The following SLC17A1 variants were observed in gnomAD, a reference collection of about 807,000 sequenced individuals.
SLC17A1 encodes the protein sodium-dependent phosphate transport protein 1.
Under a neutral mutation model 53.5 loss-of-function variants are expected in SLC17A1, and 51 were observed. The observed-to-expected ratio is 0.95, with a 90% CI of 0.76 to 1.20. The LOEUF is 1.20. Among genes scored for constraint, SLC17A1 ranks in the 50% most tolerant of loss-of-function variants. The pLI, the probability that SLC17A1 is intolerant of heterozygous loss-of-function variation, is 0.00. For synonymous variants in SLC17A1, 179 were observed against 198.8 expected (o/e 0.90, Z 0.84); for missense variants, 538 against 568.2 (o/e 0.95, Z 0.54).
At chr6:25,756,439 C>T in the SLC17A1 span, among the ~76,000 whole-genome samples, 8 of 152,256 alleles carry the variant, frequency 5.3e-5, no homozygotes, top group East Asian at 1.4e-3. Flanking sequence ...ATGCTAATGA[C>T]CTAGTTGCTG....
At chr6:25,797,885 T>C (rs779981183) in intron 12 of SLC17A1, among the ~76,000 whole-genome samples, 19 of 152,188 alleles carry the variant, frequency 1.2e-4, no homozygotes, top group Non-Finnish European at 2.2e-4. Flanking sequence ...AATTTATTTA[T>C]TAAAGACCCT....
chr6:25,756,759 CACA>C, the SLC17A1 span, among the ~76,000 whole-genome samples: 1 of 152,152 alleles, frequency 6.6e-6, no homozygotes, highest in Non-Finnish European at 1.5e-5. Context: ...GCTATGAAAG[CACA>C]ACATTGCATT....
the SLC17A1 span, among the ~76,000 whole-genome samples, chr6:25,752,513 T>C: frequency 6.6e-6 from 1 of 152,336 alleles, no homozygotes; most frequent in South Asian, 2.1e-4. Flanking sequence ...TAAGCTACAC[T>C]AAGTTTATAA....
chr6:25,830,054 A>T lies in SLC17A1; in HGVS notation c.34+470T>A, dbSNP rs540251516. Among the ~76,000 whole-genome samples, 7 of 152,302 alleles carry T rather than the reference A, an allele frequency of 4.6e-5. No homozygotes were observed. In the South Asian group the frequency reaches 1.4e-3, roughly 32 times the overall value. The stretch of plus-strand genomic sequence containing the variant: ...TTTCTGGGATTTTGTCCCCTATGAC[A>T]TTGACACAACGCTAAACCAATAGCA... On this transcript the variant is annotated intron_variant, in intron 2 of 12. Coordinates refer to ENST00000244527, the MANE Select transcript of SLC17A1 (RefSeq NM_005074.5).
chr6:25,803,558 T>A (rs1189779668), intron 10 of SLC17A1, among the ~76,000 whole-genome samples: 1 of 152,154 alleles, frequency 6.6e-6, no homozygotes, highest in Non-Finnish European at 1.5e-5. Context: ...AGAGGAGATA[T>A]AATATCTTGA....
Position 25,811,416 on chromosome 6 carries a change from C to T in SLC17A1, c.1160G>A (p.Gly387Asp), listed in dbSNP as rs750316048. The T allele has an allele frequency of 6.2e-7, 1 of 1,612,290 alleles. No homozygotes were observed. Among genetic ancestry groups the T allele is most frequent in the South Asian group, 1.1e-5 (1 of 90,748 alleles). ...ATCCTACCTGGGAGCAATATCCAAG[C>T]CATTTATAAACACTCCACCCAAGCA... The part of the protein sequence containing the change: ...SFCLGGVFIN[G>D]LDIAPRYFGF... The change falls in exon 10 of 13, where the codon GGC becomes GAC. Residue 387 changes from glycine (G) to aspartate (D), a missense_variant. Gly to Asp is a moderately conservative substitution (Grantham distance 94). Transcript: ENST00000244527.
At chr6:25,725,063 A>G in the SLC17A1 span, among the ~76,000 whole-genome samples, 364 of 149,460 alleles carry the variant, frequency 2.4e-3, 2 homozygotes, top group Middle Eastern at 0.01. Context: ...ATATCGTACA[A>G]TAATTTTTAA....
At chr6:25,818,832 T>G (rs1033500527) in intron 6 of SLC17A1, among the ~76,000 whole-genome samples, 1 of 152,214 alleles carries the variant, frequency 6.6e-6, no homozygotes, top group Non-Finnish European at 1.5e-5. Flanking sequence ...CATATGCATC[T>G]ATATCGCCTA....
chr6:25,736,376 A>C, the SLC17A1 span, among the ~76,000 whole-genome samples: 1 of 152,164 alleles, frequency 6.6e-6, no homozygotes, highest in Non-Finnish European at 1.5e-5. Context: ...TTTGGTCTTT[A>C]ACCATGGCCC....
Position 25,811,783 on chromosome 6 carries a change from C to T in SLC17A1, c.898-13G>A. On this transcript the variant is annotated splice_polypyrimidine_tract_variant and intron_variant, in intron 8 of 12. Coordinates refer to ENST00000244527, the MANE Select transcript of SLC17A1 (RefSeq NM_005074.5). ...ACAAGAACCCATTCTGAAGAGGAAA[C>T]ATTATTCTTGGAGTGAGTTTGATGG... The T allele has an allele frequency of 1.2e-6, 2 of 1,613,360 alleles. No homozygotes were observed. The highest frequency in any genetic ancestry group is 1.7e-6 in the Non-Finnish European group (2 of 1,179,584).
At chr6:25,732,701 G>C in the SLC17A1 span, 1 of 1,348,064 alleles carries the variant, frequency 7.4e-7, no homozygotes, top group Non-Finnish European at 1.0e-6. Context: ...CATCCGCAAC[G>C]ACAAGGAGCT....
chr6:25,807,654 T>G (rs2151487838), intron 10 of SLC17A1, among the ~76,000 whole-genome samples: 1 of 152,102 alleles, frequency 6.6e-6, no homozygotes, highest in East Asian at 1.9e-4. Context: ...TTATGTTATT[T>G]TTATACCTAT....
the SLC17A1 span, chr6:25,770,120 C>A: frequency 6.2e-7 from 1 of 1,614,110 alleles, no homozygotes; most frequent in African/African-American, 1.3e-5. Flanking sequence ...TCAGCTCCCT[C>A]AACTATGGCT....
chr6:25,776,549 G>C, the SLC17A1 span: 1 of 1,549,856 alleles, frequency 6.5e-7, no homozygotes, highest in Non-Finnish European at 8.7e-7. Flanking sequence ...GTGTCGTGGT[G>C]GGGGTGGTAA....
chr6:25,819,652 C>T (rs750438850), intron 4 of SLC17A1, 30 bp downstream of exon 4: 2 of 1,612,502 alleles, frequency 1.2e-6, no homozygotes, highest in South Asian at 2.2e-5. Context: ...TGAATTTAAA[C>T]TCTGTTCAGT....
Position 25,800,966 on chromosome 6 carries a change from A to G in SLC17A1, c.1193T>C (p.Ile398Thr), listed in dbSNP as rs766659170. The change falls in exon 11 of 13, where the codon ATT (isoleucine) becomes ACT (threonine). Residue 398 changes from isoleucine to threonine, a missense_variant. Ile to Thr is a moderately conservative substitution (Grantham distance 89). Coordinates refer to ENST00000244527, the MANE Select transcript of SLC17A1 (RefSeq NM_005074.5). ...TCCAGTTAAAGTTGAACATGCTTTA[A>G]TAAATCCAAAATATCTATGCATAAA... ...LDIAPRYFGFIKACSTLTGMI... is the reference protein window; with the variant it reads ...LDIAPRYFGFTKACSTLTGMI... 2 of 1,586,582 alleles carry G rather than the reference A, an allele frequency of 1.3e-6. No homozygotes were observed. Among genetic ancestry groups the G allele is most frequent in the Admixed American group, 1.7e-5 (1 of 59,960 alleles).
intron 3 of SLC17A1, among the ~76,000 whole-genome samples, chr6:25,823,030 T>A (rs1764619010): frequency 6.6e-6 from 1 of 152,142 alleles, no homozygotes; most frequent in Admixed American, 6.5e-5. Flanking sequence ...CTAGAAGTTT[T>A]ATATTAAGGG....
chr6:25,732,855 G>T, the SLC17A1 span: 1 of 329,202 alleles, frequency 3.0e-6, no homozygotes, highest in Non-Finnish European at 5.7e-6. Flanking sequence ...CCAGCGAAGT[G>T]ACTTGAATGT....
the SLC17A1 span, chr6:25,768,193 A>G: frequency 1.7e-5 from 3 of 174,092 alleles, no homozygotes; most frequent in Non-Finnish European, 3.4e-5. Flanking sequence ...AACCAAAGGT[A>G]AGAGCTAGAA....
Sources: allele counts gnomAD v4.1 joint callset (sites outside exome capture counted in the v4.1 genomes callset), GRCh38; gene constraint gnomAD v4.1.1; transcripts MANE v1.5; gene names NCBI Gene and HGNC (gene_info 2026-07-23, HGNC 2026-07-21).